The following EXOC6 variants were observed in gnomAD, a reference collection of about 807,000 sequenced individuals.
EXOC6 encodes exocyst complex component 6.
A neutral mutation model predicts 112.5 loss-of-function variants in EXOC6; 60 were observed. The ratio of observed to expected loss-of-function variants is 0.53; its 90% CI spans 0.43 to 0.66. EXOC6 has a LOEUF of 0.66. Among genes scored for constraint, EXOC6 ranks in the 30% least tolerant of loss-of-function variants. EXOC6 has a pLI of 0.00. For synonymous variants in EXOC6, 295 were observed against 308.0 expected (o/e 0.96, Z 0.44); for missense variants, 855 against 957.1 (o/e 0.89, Z 1.41).
chr10:92,887,221 A>T (rs1849263332), intron 1 of EXOC6, among the ~76,000 whole-genome samples: 1 of 151,914 alleles, frequency 6.6e-6, no homozygotes, highest in African/African-American at 2.4e-5. Context: ...TTTTTTCCTC[A>T]TTCCAGTGTT....
intron 1 of EXOC6, among the ~76,000 whole-genome samples, chr10:92,880,683 T>C (rs1848918796): frequency 6.6e-6 from 1 of 152,072 alleles, no homozygotes. Flanking sequence ...TTTCTGGTAA[T>C]GGGAAGGTTA....
intron 1 of EXOC6, among the ~76,000 whole-genome samples, chr10:92,837,394 C>T (rs1016230612): frequency 6.6e-6 from 1 of 152,190 alleles, no homozygotes; most frequent in Non-Finnish European, 1.5e-5. Context: ...GCTCTGGCTA[C>T]ATGCAGTGGC....
intron 18 of EXOC6, among the ~76,000 whole-genome samples, chr10:92,975,747 G>A (rs1395958860): frequency 3.7e-5 from 5 of 134,490 alleles, no homozygotes; most frequent in Non-Finnish European, 8.2e-5. Flanking sequence ...GAGGTCGGGG[G>A]GCCAGCCCCC....
chr10:92,861,492 T>C (rs1847910144), intron 1 of EXOC6, among the ~76,000 whole-genome samples: 1 of 152,150 alleles, frequency 6.6e-6, no homozygotes, highest in East Asian at 1.9e-4. Context: ...GAAGGAGGGC[T>C]GGGTGGAAGA....
intron 17 of EXOC6, among the ~76,000 whole-genome samples, chr10:92,962,109 A>T (rs1242936170): frequency 2.0e-5 from 3 of 152,164 alleles, no homozygotes; most frequent in Admixed American, 2.0e-4. Flanking sequence ...CAGAACCCAT[A>T]TTTCCCTCTA....
At chr10:92,893,102 A>G (rs1422454722) in intron 1 of EXOC6, among the ~76,000 whole-genome samples, 1 of 152,168 alleles carries the variant, frequency 6.6e-6, no homozygotes, top group Non-Finnish European at 1.5e-5. Context: ...TATTAGGCCC[A>G]CATCTCCTGA....
chr10:92,875,937 G>A (rs1329800342), intron 1 of EXOC6, among the ~76,000 whole-genome samples: 4 of 151,808 alleles, frequency 2.6e-5, no homozygotes, highest in Admixed American at 1.3e-4. Context: ...CAGAACACAT[G>A]TATATATAAA....
chr10:92,991,448 AAAAAAC>A (rs1843246474), intron 18 of EXOC6, among the ~76,000 whole-genome samples: 1 of 151,766 alleles, frequency 6.6e-6, no homozygotes, highest in Non-Finnish European at 1.5e-5. Flanking sequence ...AAAAAAAAAA[AAAAAAC>A]AAAAGTTAGG....
intron 20 of EXOC6, among the ~76,000 whole-genome samples, chr10:93,031,521 T>C (rs1845274221): frequency 6.8e-6 from 1 of 147,058 alleles, no homozygotes; most frequent in African/African-American, 2.5e-5. Flanking sequence ...TTTTTTTTTT[T>C]TTTTTTTTTG....
chr10:92,971,246 A>G (rs10882132), intron 17 of EXOC6, among the ~76,000 whole-genome samples: 47,977 of 151,950 alleles, frequency 0.32, 8,332 homozygotes, highest in East Asian at 0.74. Context: ...AGGTTTCACC[A>G]TGTTAGCCAG....
At chr10:93,047,713 C>A (rs536607359) in intron 20 of EXOC6, among the ~76,000 whole-genome samples, 1 of 152,026 alleles carries the variant, frequency 6.6e-6, no homozygotes, top group South Asian at 2.1e-4. Flanking sequence ...TTTGGGAGGC[C>A]GAGGCAGGTG....
At chr10:92,957,142 A>T (rs1401175658) in intron 17 of EXOC6, among the ~76,000 whole-genome samples, 1 of 152,158 alleles carries the variant, frequency 6.6e-6, no homozygotes, top group Non-Finnish European at 1.5e-5. Context: ...GTTAGCTTTT[A>T]TGTTAGATTT....
intron 18 of EXOC6, among the ~76,000 whole-genome samples, chr10:92,984,842 A>G (rs1057478072): frequency 1.1e-4 from 17 of 152,042 alleles, no homozygotes; most frequent in Admixed American, 9.8e-4. Context: ...TACAAAAAAT[A>G]CAAAAAATCA....
rs545364869 is a variant in EXOC6, at chr10:92,904,201, A to G, written c.458+4557A>G. Among the ~76,000 whole-genome samples the G allele has an allele frequency of 6.7e-4, 102 of 152,182 alleles. 2 individuals carry two copies. Among genetic ancestry groups the G allele is most frequent in the African/African-American group, 2.4e-3 (98 of 41,570 alleles). On this transcript the variant is annotated intron_variant, in intron 5 of 21. Transcript: ENST00000260762. ...TGGATGAACCATAGTTTATCCATTC[A>G]CCTTTGAAGGACATCTTGTTGCTTC...
At chr10:93,001,488 G>A (rs1843753756) in intron 19 of EXOC6, among the ~76,000 whole-genome samples, 1 of 152,122 alleles carries the variant, frequency 6.6e-6, no homozygotes, top group Non-Finnish European at 1.5e-5. Context: ...TTCTACCTTA[G>A]GGTTAGAGTC....
At chr10:92,902,937 C>T (rs534013569) in intron 5 of EXOC6, among the ~76,000 whole-genome samples, 8 of 152,000 alleles carry the variant, frequency 5.3e-5, no homozygotes, top group South Asian at 4.1e-4. Flanking sequence ...TTTATCTATC[C>T]ATTAGTTGCT....
At chr10:92,829,066 T>C (rs1349159426) in intron 1 of EXOC6, among the ~76,000 whole-genome samples, 1 of 152,134 alleles carries the variant, frequency 6.6e-6, no homozygotes, top group Non-Finnish European at 1.5e-5. Flanking sequence ...CTGGCAGCTG[T>C]GCCAATAGGG....
intron 1 of EXOC6, among the ~76,000 whole-genome samples, chr10:92,838,576 T>C (rs1004470506): frequency 6.6e-6 from 1 of 152,234 alleles, no homozygotes; most frequent in Non-Finnish European, 1.5e-5. Flanking sequence ...AAGGTTTATT[T>C]GCATTGCCAA....
intron 17 of EXOC6, among the ~76,000 whole-genome samples, chr10:92,969,307 A>G (rs904487232): frequency 2.6e-5 from 4 of 152,142 alleles, no homozygotes; most frequent in African/African-American, 7.2e-5. Flanking sequence ...CCGGTGCCAG[A>G]CATATGAGTG....
Sources: allele counts gnomAD v4.1 joint callset (sites outside exome capture counted in the v4.1 genomes callset), GRCh38; gene constraint gnomAD v4.1.1; transcripts MANE v1.5; gene names NCBI Gene and HGNC (gene_info 2026-07-23, HGNC 2026-07-21).